Variants in METRN observed in about 807,000 individuals in gnomAD.
METRN encodes the protein meteorin, glial cell differentiation regulator, also known as meteorin.
A neutral mutation model predicts 17.4 loss-of-function variants in METRN; 17 were observed. The ratio of observed to expected loss-of-function variants is 0.98; its 90% CI spans 0.67 to 1.46. The LOEUF (loss-of-function observed/expected upper bound fraction) is 1.46, where lower values mean the gene tolerates loss of function less well. METRN is among the 40% of genes most tolerant of loss of function. The pLI, the probability that METRN is intolerant of heterozygous loss-of-function variation, is 0.00. For synonymous variants in METRN, 230 were observed against 210.8 expected (o/e 1.09, Z -0.79); for missense variants, 489 against 456.2 (o/e 1.07, Z -0.65).
chr16:715,870 C>T lies in METRN; in HGVS notation c.391C>T (p.Leu131=). The T allele has an allele frequency of 1.4e-6, 2 of 1,398,742 alleles. No homozygotes were observed. The highest frequency in any genetic ancestry group is 1.5e-5 in the South Asian group (1 of 65,302). 86.6% of individuals were successfully genotyped at this position (1,398,742 alleles called of 1,614,324 possible). A position where few individuals can be genotyped will look rare whatever the true frequency, so the allele number is the denominator to read the frequency against. Residue 131 remains leucine (L), a synonymous_variant, in exon 2 of 4, where the codon CTG becomes TTG. Transcript: ENST00000568223. The stretch of plus-strand genomic sequence containing the variant: ...TCCCCGCGAGCGCCGGGCCCTCTTC[C>T]TGCAGGCCACGCCGCACCAGGACAT... ...WGPRERRALF[L]QATPHQDISR... is the part of the protein sequence containing the mutation.
rs1308285965 is a variant in METRN, at chr16:718,218, G to T, written c.*831G>T. 6.6e-6 allele frequency: 1 copy of T among 152,294 alleles called. No individual in the cohort carries two copies. The highest frequency in any genetic ancestry group is 1.5e-5 in the Non-Finnish European group (1 of 68,074). 9.4% of individuals were successfully genotyped at this position (152,294 alleles called of 1,614,324 possible). A position where few individuals can be genotyped will look rare whatever the true frequency, so the allele number is the denominator to read the frequency against. On this transcript the variant is annotated 3_prime_UTR_variant, in exon 4 of 4. Coordinates refer to ENST00000568223, the MANE Select transcript of METRN (RefSeq NM_024042.4). ...TCCTCGGCCTTTCAGCCGCATAAAG[G>T]GCCAGTGAGGTTTGGGACAGCCACA...
chr16:716,730 G>A, intron 2 of METRN: 1 of 1,535,132 alleles, frequency 6.5e-7, no homozygotes, highest in Admixed American at 2.0e-5. Context: ...GCGCCTGCAA[G>A]TGTGTTTCCT....
At chr16:716,306 G>T in intron 2 of METRN, 1 of 1,391,162 alleles carries the variant, frequency 7.2e-7, no homozygotes, top group Non-Finnish European at 9.3e-7. Context: ...GGCCAAAGCT[G>T]TCCGGGGCTC....
chr16:716,368 C>A (rs1236494663), intron 2 of METRN: 6 of 1,415,252 alleles, frequency 4.2e-6, no homozygotes, highest in Non-Finnish European at 5.5e-6. Flanking sequence ...CAACAAAAGT[C>A]CAGTGTGCAG....
In METRN at chr16:715,735, G is replaced by A. The variant is rs2040155084; in HGVS notation, c.256G>A (p.Val86Met). The change falls in exon 2 of 4, where the codon GTG becomes ATG. Residue 86 changes from valine (V) to methionine (M), a missense_variant. Physicochemically the swap from Val to Met is conservative, Grantham distance 21 (BLOSUM62 1). Transcript: ENST00000568223. ...ARPGIACLRP[V>M]RPFAGAQVFA... ...GCCCGGCATCGCCTGTCTGCGGCCG[G>A]TGCGGCCCTTCGCGGGCGCCCAGGT... 1.8e-5 allele frequency: 23 copies of A among 1,306,630 alleles called. No individual in the cohort carries two copies. The highest frequency in any genetic ancestry group is 2.2e-5 in the Non-Finnish European group (23 of 1,032,436). 80.9% of individuals were successfully genotyped at this position (1,306,630 alleles called of 1,614,324 possible). A position where few individuals can be genotyped will look rare whatever the true frequency, so the allele number is the denominator to read the frequency against.
chr16:719,235 G>A lies in METRN; in HGVS notation c.*1848G>A, dbSNP rs529250151. 6.6e-6 allele frequency: 1 copy of A among 152,426 alleles called. No homozygotes were observed. The highest frequency in any genetic ancestry group is 1.9e-4 in the East Asian group (1 of 5,176). The allele number at this position is 152,426 out of a possible 1,614,324, so 9.4% of individuals were successfully genotyped here. Reference sequence around the variant, plus strand: ...GAAAGCCCTGGCTTTGCAACCAGCTGTCTTCTCATGAGACACAGGGCCACA... The same window carrying A: ...GAAAGCCCTGGCTTTGCAACCAGCTATCTTCTCATGAGACACAGGGCCACA... On this transcript the variant is annotated 3_prime_UTR_variant, in exon 4 of 4. Transcript: ENST00000568223.
chr16:717,238 C>T lies in METRN; in HGVS notation c.733C>T (p.His245Tyr), dbSNP rs2040168956. The T allele has an allele frequency of 6.3e-7, 1 of 1,576,966 alleles. No individual in the cohort carries two copies. The highest frequency in any genetic ancestry group is 8.6e-7 in the Non-Finnish European group (1 of 1,164,476). ...SIRTPLRCGV[H>Y]PGPGTFLFMG... is the part of the protein sequence containing the mutation. ...TCGTACCCCACTGCGCTGTGGCGTC[C>T]ACCCGGGCCCAGGCACCTTCCTCTT... The change falls in exon 4 of 4, where the codon CAC becomes TAC. Residue 245 changes from histidine to tyrosine, a missense_variant. Coordinates refer to ENST00000568223, the MANE Select transcript of METRN (RefSeq NM_024042.4).
In METRN at chr16:715,258, G is replaced by C. The variant is rs773462880; in HGVS notation, c.-32G>C. ...CCCCGCCGGGGCAGCGGTGGTGAGA[G>C]CCCCGACTCCCCGGACGCCGCCCGC... On this transcript the variant is annotated 5_prime_UTR_variant, in exon 1 of 4. Coordinates refer to ENST00000568223, the MANE Select transcript of METRN (RefSeq NM_024042.4). 40 of 1,230,508 alleles carry C rather than the reference G, an allele frequency of 3.3e-5. No homozygotes were observed. The highest frequency in any genetic ancestry group is 3.9e-5 in the Non-Finnish European group (38 of 972,800). 76.2% of individuals were successfully genotyped at this position (1,230,508 alleles called of 1,614,324 possible). A position where few individuals can be genotyped will look rare whatever the true frequency, so the allele number is the denominator to read the frequency against.
In METRN at chr16:716,017, G is replaced by C. The variant is rs1324315553; in HGVS notation, c.505+33G>C. ...GCGGTCTGGTTGGGACAGGGTGGGA[G>C]TCCCGAAGTCTTACCCTGCCTGGGC... On this transcript the variant is annotated intron_variant, in intron 2 of 3. Coordinates refer to ENST00000568223, the MANE Select transcript of METRN (RefSeq NM_024042.4). The C allele has an allele frequency of 2.1e-6, 3 of 1,425,924 alleles. No homozygotes were observed. In the South Asian group the frequency reaches 4.2e-5, roughly 20 times the overall value. The allele number at this position is 1,425,924 out of a possible 1,614,324, so 88.3% of individuals were successfully genotyped here.
In METRN at chr16:717,202, C is replaced by T. The variant is rs1369867689; in HGVS notation, c.697C>T (p.Leu233=). The T allele has an allele frequency of 1.9e-6, 3 of 1,599,042 alleles. No homozygotes were observed. Among genetic ancestry groups the T allele is most frequent in the East Asian group, 2.3e-5 (1 of 44,128 alleles). The change falls in exon 4 of 4, where the codon CTG becomes TTG. Residue 233 remains leucine (L), a synonymous_variant. Transcript: ENST00000568223. ...FQAGRSGDQG[L]TSIRTPLRCG... ...GGCGGGGCGATCCGGGGACCAGGGGCTGACCTCCATTCGTACCCCACTGCG... is the reference window on the plus strand; with the variant it reads ...GGCGGGGCGATCCGGGGACCAGGGGTTGACCTCCATTCGTACCCCACTGCG...
chr16:717,010 G>C lies in METRN; in HGVS notation c.565+18G>C, dbSNP rs762416612. ...CGACTTCGGTGAGTGTCCCCGCCAT[G>C]GGGGGAGCCTGGAGCCTGCCTTCCC... is the stretch of plus-strand genomic sequence containing the variant. On this transcript the variant is annotated intron_variant, in intron 3 of 3. Transcript: ENST00000568223. The C allele has an allele frequency of 6.2e-6, 10 of 1,609,482 alleles. No homozygotes were observed. Among genetic ancestry groups the C allele is most frequent in the Non-Finnish European group, 8.5e-6 (10 of 1,178,156 alleles).
Position 716,319 on chromosome 16 carries a change from T to C in METRN, c.505+335T>C, listed in dbSNP as rs1268774609. 5 of 1,393,076 alleles carry C rather than the reference T, an allele frequency of 3.6e-6. No homozygotes were observed. In the African/African-American group the frequency reaches 7.3e-5, roughly 20 times the overall value. 86.3% of individuals were successfully genotyped at this position (1,393,076 alleles called of 1,614,324 possible). ...CCGGCCAAAGCTGTCCGGGGCTCCC[T>C]GGCCCAGCGGTGACCTCTCTCCCCT... On this transcript the variant is annotated intron_variant, in intron 2 of 3. Coordinates refer to ENST00000568223, the MANE Select transcript of METRN (RefSeq NM_024042.4).
chr16:718,816 A>G lies in METRN; in HGVS notation c.*1429A>G, dbSNP rs1355211950. 6.6e-6 allele frequency: 1 copy of G among 152,524 alleles called. No individual in the cohort carries two copies. Among genetic ancestry groups the G allele is most frequent in the Non-Finnish European group, 1.5e-5 (1 of 68,314 alleles). 9.4% of individuals were successfully genotyped at this position (152,524 alleles called of 1,614,324 possible). A position where few individuals can be genotyped will look rare whatever the true frequency, so the allele number is the denominator to read the frequency against. ...ACTGTGGCACGCTGAGGGCTCAGGC[A>G]CAGGACCGCTCCTCTGGGGCAGCCT... On this transcript the variant is annotated 3_prime_UTR_variant, in exon 4 of 4. Coordinates refer to ENST00000568223, the MANE Select transcript of METRN (RefSeq NM_024042.4).
chr16:718,126 G>A lies in METRN; in HGVS notation c.*739G>A, dbSNP rs1216114224. ...CTTGTTGCCTGTTTCCGGCGGGCGG[G>A]GTGCACAATGGGGTCTCTAAGGACC... On this transcript the variant is annotated 3_prime_UTR_variant, in exon 4 of 4. Transcript: ENST00000568223. 1 of 152,286 alleles carries A rather than the reference G, an allele frequency of 6.6e-6. No homozygotes were observed. The highest frequency in any genetic ancestry group is 1.5e-5 in the Non-Finnish European group (1 of 68,090). 9.4% of individuals were successfully genotyped at this position (152,286 alleles called of 1,614,324 possible).
chr16:716,730 G>C, intron 2 of METRN: 1 of 1,535,132 alleles, frequency 6.5e-7, no homozygotes. Context: ...GCGCCTGCAA[G>C]TGTGTTTCCT....
chr16:716,536 G>T, intron 2 of METRN: 7 of 1,527,110 alleles, frequency 4.6e-6, no homozygotes, highest in Non-Finnish European at 6.1e-6. Context: ...CCCTTCCTCT[G>T]CCCCCACTTC....
At chr16:716,699 G>GCATT in intron 2 of METRN, 1 of 1,535,482 alleles carries the variant, frequency 6.5e-7, no homozygotes, top group Non-Finnish European at 8.7e-7. Flanking sequence ...ACGTCTGTGT[G>GCATT]CATTCCTGCC....
rs1173705768 is a variant in METRN, at chr16:715,968, C to T, written c.489C>T (p.His163=). 1 of 1,451,282 alleles carries T rather than the reference C, an allele frequency of 6.9e-7. No individual in the cohort carries two copies. The highest frequency in any genetic ancestry group is 1.3e-5 in the South Asian group (1 of 79,922). 89.9% of individuals were successfully genotyped at this position (1,451,282 alleles called of 1,614,324 possible). A position where few individuals can be genotyped will look rare whatever the true frequency, so the allele number is the denominator to read the frequency against. The change falls in exon 2 of 4, where the codon CAC becomes CAT. Residue 163 remains histidine, a synonymous_variant. Coordinates refer to ENST00000568223, the MANE Select transcript of METRN (RefSeq NM_024042.4). ...DGRPELPPQA[H]GLGVDGACRP... ...GCCCCGAGCTGCCCCCGCAGGCCCA[C>T]GGTCTCGGCGTAGACGGTGAGTGGC...
chr16:715,949 A>G lies in METRN; in HGVS notation c.470A>G (p.Glu157Gly). Residue 157 changes from glutamate (E) to glycine (G), a missense_variant, in exon 2 of 4, where the codon GAG (glutamate) becomes GGG (glycine). Transcript: ENST00000568223. ...RFELREDGRP[E>G]LPPQAHGLGV... ...GAGCTGCGCGAGGACGGGCGCCCCG[A>G]GCTGCCCCCGCAGGCCCACGGTCTC... 2 of 1,498,476 alleles carry G rather than the reference A, an allele frequency of 1.3e-6. No homozygotes were observed. Among genetic ancestry groups the G allele is most frequent in the Admixed American group, 2.2e-5 (1 of 45,906 alleles). 92.8% of individuals were successfully genotyped at this position (1,498,476 alleles called of 1,614,324 possible).
Sources: allele counts gnomAD v4.1 joint callset, GRCh38; gene constraint gnomAD v4.1.1; transcripts MANE v1.5; gene names NCBI Gene and HGNC (gene_info 2026-07-23, HGNC 2026-07-21).